Variants in WWOX observed in about 807,000 individuals in gnomAD.
The protein encoded by WWOX is WW domain-containing oxidoreductase.
In WWOX, 69 loss-of-function variants were observed where a neutral mutation model predicts 46.2. The observed-to-expected ratio is 1.49, with a 90% CI of 1.23 to 1.82. The LOEUF (loss-of-function observed/expected upper bound fraction) is 1.82. Ranked by LOEUF, WWOX falls within the 40% of genes most tolerant of loss-of-function variation. The pLI is 0.00. For synonymous variants in WWOX, 359 were observed against 202.6 expected (o/e 1.77, Z -6.56); for missense variants, 919 against 542.6 (o/e 1.69, Z -6.89).
intron 8 of WWOX, chr16:78,756,999 C>T: frequency 1.4e-6 from 1 of 702,812 alleles, no homozygotes; most frequent in Non-Finnish European, 2.6e-6. Flanking sequence ...AGAACTGAGC[C>T]TCCTGCCAAC....
At chr16:78,678,570 T>G (rs1035413394) in intron 8 of WWOX, among the ~76,000 whole-genome samples, 1 of 152,106 alleles carries the variant, frequency 6.6e-6, no homozygotes, top group African/African-American at 2.4e-5. Context: ...CATGCCAAGA[T>G]GTGATAATTG....
At chr16:79,092,352 A>T (rs1231474994) in intron 8 of WWOX, among the ~76,000 whole-genome samples, 3 of 152,216 alleles carry the variant, frequency 2.0e-5, no homozygotes, top group Non-Finnish European at 2.9e-5. Flanking sequence ...ACAGGGCAGT[A>T]AAATGGCAGC....
At chr16:78,417,137 A>G (rs145395292) in intron 6 of WWOX, among the ~76,000 whole-genome samples, 9 of 151,864 alleles carry the variant, frequency 5.9e-5, no homozygotes, top group Non-Finnish European at 8.8e-5. Context: ...CAGTGGGGTG[A>G]TTACAGCTCA....
chr16:78,897,826 A>G (rs1020478617), intron 8 of WWOX: 2 of 152,158 alleles, frequency 1.3e-5, no homozygotes, highest in African/African-American at 2.4e-5. Context: ...CATCCTCATC[A>G]GCACTTTGTA....
intron 5 of WWOX, among the ~76,000 whole-genome samples, chr16:78,229,726 A>G (rs1452832998): frequency 6.6e-6 from 1 of 152,072 alleles, no homozygotes; most frequent in Non-Finnish European, 1.5e-5. Context: ...ATAAACATGC[A>G]GACCATGTGG....
chr16:78,886,646 A>G (rs1317985703), intron 8 of WWOX, among the ~76,000 whole-genome samples: 3 of 148,560 alleles, frequency 2.0e-5, no homozygotes, highest in Non-Finnish European at 4.5e-5. Flanking sequence ...AAACATATAT[A>G]TATATATATA....
chr16:78,282,917 CA>C (rs1310164115), intron 5 of WWOX, among the ~76,000 whole-genome samples: 1 of 149,790 alleles, frequency 6.7e-6, no homozygotes, highest in Non-Finnish European at 1.5e-5. Context: ...GGAAAATGTC[CA>C]GGAAGGATGT....
chr16:78,966,592 T>G (rs1371495046), intron 8 of WWOX, among the ~76,000 whole-genome samples: 1 of 152,206 alleles, frequency 6.6e-6, no homozygotes, highest in Non-Finnish European at 1.5e-5. Context: ...GGCTAAAAAG[T>G]AACATGTGAA....
intron 8 of WWOX, among the ~76,000 whole-genome samples, chr16:78,543,407 C>G (rs1238262344): frequency 2.6e-5 from 4 of 152,180 alleles, no homozygotes; most frequent in Non-Finnish European, 4.4e-5. Flanking sequence ...CTTTCACATA[C>G]AGCGAGAAGG....
At chr16:78,398,613 TATTG>T (rs1261424995) in intron 6 of WWOX, among the ~76,000 whole-genome samples, 1 of 152,198 alleles carries the variant, frequency 6.6e-6, no homozygotes, top group Non-Finnish European at 1.5e-5. Flanking sequence ...CTTTTTTCTA[TATTG>T]ATTTTACTTC....
chr16:78,745,998 C>CTGGG (rs1180976698), intron 8 of WWOX, among the ~76,000 whole-genome samples: 6 of 152,148 alleles, frequency 3.9e-5, no homozygotes, highest in Non-Finnish European at 7.3e-5. Flanking sequence ...CAGAAGGCTA[C>CTGGG]TGGGAAGGGC....
At chr16:79,129,998 A>G (rs944175008) in intron 8 of WWOX, among the ~76,000 whole-genome samples, 4 of 152,254 alleles carry the variant, frequency 2.6e-5, no homozygotes, top group Non-Finnish European at 5.9e-5. Context: ...TAATAAAAAC[A>G]GCTAATATTT....
chr16:78,704,790 C>T (rs2048297254), intron 8 of WWOX, among the ~76,000 whole-genome samples: 1 of 152,132 alleles, frequency 6.6e-6, no homozygotes, highest in Non-Finnish European at 1.5e-5. Flanking sequence ...GCAAGACAGC[C>T]AGCATGTTGA....
chr16:78,460,921 C>T (rs537294127), intron 8 of WWOX, among the ~76,000 whole-genome samples: 1 of 152,188 alleles, frequency 6.6e-6, no homozygotes, highest in South Asian at 2.1e-4. Flanking sequence ...AGAAATAGGC[C>T]CTCCAGATAT....
At chr16:78,367,974 G>A (rs1381713101) in intron 5 of WWOX, among the ~76,000 whole-genome samples, 1 of 152,040 alleles carries the variant, frequency 6.6e-6, no homozygotes, top group Non-Finnish European at 1.5e-5. Flanking sequence ...TCAGGCTGGT[G>A]TCAAACTCCT....
intron 8 of WWOX, among the ~76,000 whole-genome samples, chr16:78,736,290 C>T (rs2049090088): frequency 1.3e-5 from 2 of 152,134 alleles, no homozygotes; most frequent in South Asian, 4.2e-4. Context: ...CATAGGCTAT[C>T]CTCATGGGGA....
intron 8 of WWOX, among the ~76,000 whole-genome samples, chr16:78,777,986 A>C (rs998631908): frequency 7.0e-6 from 1 of 142,662 alleles, no homozygotes; most frequent in Non-Finnish European, 1.5e-5. Context: ...TGGAAGTTGT[A>C]GTGAGCCAAG....
At chr16:78,847,191 A>G (rs1017760860) in intron 8 of WWOX, among the ~76,000 whole-genome samples, 9 of 152,342 alleles carry the variant, frequency 5.9e-5, no homozygotes, top group African/African-American at 1.9e-4. Context: ...ATTTAGAACT[A>G]AGATCTAGGT....
intron 5 of WWOX, among the ~76,000 whole-genome samples, chr16:78,165,587 G>A (rs1045752703): frequency 2.6e-5 from 4 of 152,088 alleles, no homozygotes; most frequent in African/African-American, 7.2e-5. Context: ...GGAGGGGGAG[G>A]AGGAGATAGA....
Sources: gnomAD v4.1 joint callset for allele counts (sites outside exome capture counted in the v4.1 genomes callset) on GRCh38, gnomAD v4.1.1 for gene constraint, MANE v1.5 for transcripts, NCBI Gene and HGNC (gene_info 2026-07-23, HGNC 2026-07-21) for gene names.